Variants in LYN observed in about 807,000 individuals in gnomAD.
LYN encodes the protein tyrosine-protein kinase Lyn.
A neutral mutation model predicts 65.0 loss-of-function variants in LYN; 12 were observed. The observed-to-expected ratio is 0.18, with a 90% CI of 0.12 to 0.30. The LOEUF (loss-of-function observed/expected upper bound fraction) is 0.30, where lower values mean the gene tolerates loss of function less well. Among genes scored for constraint, LYN ranks in the 10% least tolerant of loss-of-function variants. LYN has a pLI of 1.00. For missense variants in LYN, 380 were observed against 623.2 expected (o/e 0.61, Z 4.16); for synonymous variants, 222 against 221.2 (o/e 1.00, Z -0.03).
chr8:55,981,456 C>A (rs1478041927), intron 10 of LYN, among the ~76,000 whole-genome samples: 1 of 152,140 alleles, frequency 6.6e-6, no homozygotes, highest in Admixed American at 6.5e-5. Flanking sequence ...ACAATAAATT[C>A]TTTATTCTCT....
chr8:55,925,235 A>G (rs1563513270), intron 1 of LYN, among the ~76,000 whole-genome samples: 1 of 151,802 alleles, frequency 6.6e-6, no homozygotes, highest in Non-Finnish European at 1.5e-5. Flanking sequence ...CAATCCTCCC[A>G]CATCAGCCTC....
At chr8:55,911,045 C>A in intron 1 of LYN, among the ~76,000 whole-genome samples, 1 of 138,220 alleles carries the variant, frequency 7.2e-6, no homozygotes, top group Non-Finnish European at 1.5e-5. Context: ...TACAGGCGCC[C>A]ACCTCCATGT....
chr8:55,945,961 G>A (rs1168088307), intron 2 of LYN, among the ~76,000 whole-genome samples: 2 of 152,208 alleles, frequency 1.3e-5, no homozygotes, highest in Admixed American at 1.3e-4. Context: ...TGCCGCTGGT[G>A]TTTGCTTTCT....
intron 8 of LYN, among the ~76,000 whole-genome samples, chr8:55,964,301 C>T (rs776812594): frequency 3.3e-5 from 5 of 152,038 alleles, no homozygotes; most frequent in East Asian, 1.9e-4. Context: ...TGGGCTCAAG[C>T]GATCCTCCTG....
intron 1 of LYN, among the ~76,000 whole-genome samples, chr8:55,888,783 C>T (rs1216842985): frequency 6.6e-6 from 1 of 152,108 alleles, no homozygotes; most frequent in East Asian, 1.9e-4. Context: ...GTCATCCAGG[C>T]TGGAGTGCAG....
intron 8 of LYN, among the ~76,000 whole-genome samples, chr8:55,956,882 G>A (rs1396438431): frequency 6.6e-6 from 1 of 152,232 alleles, no homozygotes; most frequent in Non-Finnish European, 1.5e-5. Context: ...AGAAGGAGGA[G>A]AAGACAGGAG....
intron 12 of LYN, among the ~76,000 whole-genome samples, chr8:56,007,396 T>G (rs1808701808): frequency 6.6e-6 from 1 of 152,260 alleles, no homozygotes; most frequent in Non-Finnish European, 1.5e-5. Flanking sequence ...AAATCTGTCT[T>G]TCGCTTTAAG....
chr8:55,945,605 C>G (rs1806752017), intron 2 of LYN, among the ~76,000 whole-genome samples: 3 of 152,224 alleles, frequency 2.0e-5, no homozygotes, highest in South Asian at 4.1e-4. Flanking sequence ...AGGCCTCTGA[C>G]AGCATCTATC....
At chr8:55,888,867 A>G (rs977694242) in intron 1 of LYN, among the ~76,000 whole-genome samples, 5 of 152,092 alleles carry the variant, frequency 3.3e-5, no homozygotes, top group African/African-American at 9.7e-5. Flanking sequence ...AAATTTTAAT[A>G]TGGAGTTTAT....
chr8:56,002,377 C>T (rs1808538864), intron 12 of LYN, among the ~76,000 whole-genome samples: 1 of 151,502 alleles, frequency 6.6e-6, no homozygotes, highest in Admixed American at 6.6e-5. Context: ...TGAGATCGCG[C>T]CACTGCAATC....
intron 10 of LYN, among the ~76,000 whole-genome samples, chr8:55,977,792 G>T (rs1027523709): frequency 6.6e-6 from 1 of 151,522 alleles, no homozygotes; most frequent in Admixed American, 6.6e-5. Context: ...TGATGGTCGT[G>T]CCTGTAATCC....
intron 4 of LYN, among the ~76,000 whole-genome samples, chr8:55,948,136 G>T (rs1806839385): frequency 6.6e-6 from 1 of 152,224 alleles, no homozygotes; most frequent in East Asian, 1.9e-4. Flanking sequence ...ACCAGGCCTG[G>T]CTAATTTTTA....
chr8:56,003,928 C>CTTTTTTTTTTTTTTT (rs1213079280), intron 12 of LYN, among the ~76,000 whole-genome samples: 1 of 104,700 alleles, frequency 9.6e-6, no homozygotes, highest in African/African-American at 3.4e-5. Flanking sequence ...ATATTTTATT[C>CTTTTTTTTTTTTTTT]TTTTTTTTTT....
At chr8:56,006,859 T>G (rs1158771924) in intron 12 of LYN, among the ~76,000 whole-genome samples, 15 of 152,234 alleles carry the variant, frequency 9.9e-5, no homozygotes, top group Admixed American at 9.8e-4. Context: ...GAGGTCCCTC[T>G]CCTCTTCTTA....
rs945624030 is a variant in LYN, at chr8:55,975,139, A to G, written c.1050+5346A>G. ...GCCGCTGTGGATTCAGGGGCCACAT[A>G]GTGGTCAGGATGTGATGGTCCCTGA... On this transcript the variant is annotated intron_variant, in intron 10 of 12. Transcript: ENST00000519728. 5.3e-5 allele frequency among the ~76,000 whole-genome samples: 8 copies of G among 152,318 alleles called. No homozygotes were observed. The East Asian group carries it at 1.2e-3, about 22-fold the overall frequency.
At chr8:55,956,386 A>G (rs1010627303) in intron 8 of LYN, among the ~76,000 whole-genome samples, 3 of 152,184 alleles carry the variant, frequency 2.0e-5, no homozygotes, top group African/African-American at 7.2e-5. Flanking sequence ...CTGTGTTCTC[A>G]GGGCACCTGT....
intron 8 of LYN, among the ~76,000 whole-genome samples, chr8:55,963,839 ATC>A (rs1226035846): frequency 6.6e-6 from 1 of 152,034 alleles, no homozygotes; most frequent in Admixed American, 6.6e-5. Context: ...ATGTATTTTC[ATC>A]TATTTTATAT....
chr8:55,888,208 G>A (rs1044925350), intron 1 of LYN, among the ~76,000 whole-genome samples: 1 of 152,226 alleles, frequency 6.6e-6, no homozygotes, highest in African/African-American at 2.4e-5. Context: ...CACCTGCCAT[G>A]TTGGTGGAAA....
At chr8:55,942,285 A>T (rs377099047) in intron 2 of LYN, among the ~76,000 whole-genome samples, 2 of 149,658 alleles carry the variant, frequency 1.3e-5, no homozygotes, top group Admixed American at 1.3e-4. Flanking sequence ...ATACACACAC[A>T]TATATATGTG....
Sources: gnomAD v4.1 joint callset for allele counts (sites outside exome capture counted in the v4.1 genomes callset) on GRCh38, gnomAD v4.1.1 for gene constraint, MANE v1.5 for transcripts, NCBI Gene and HGNC (gene_info 2026-07-23, HGNC 2026-07-21) for gene names.